Variants in PID1 observed in about 807,000 individuals in gnomAD.
The protein encoded by PID1 is PTB-containing, cubilin and LRP1-interacting protein.
A neutral mutation model predicts 19.1 loss-of-function variants in PID1; 10 were observed. The observed-to-expected ratio is 0.52, with a 90% CI of 0.32 to 0.89. The LOEUF (loss-of-function observed/expected upper bound fraction) is 0.89, where lower values mean the gene tolerates loss of function less well. PID1 is among the 40% of genes least tolerant of loss of function. PID1 has a pLI of 0.03. For missense variants in PID1, 248 were observed against 285.3 expected (o/e 0.87, Z 0.94); for synonymous variants, 130 against 116.0 (o/e 1.12, Z -0.78).
intron 2 of PID1, among the ~76,000 whole-genome samples, chr2:229,062,887 T>A (rs35130554): frequency 0.038 from 5,782 of 152,110 alleles, 131 homozygotes; most frequent in Middle Eastern, 0.082. Context: ...TCATTTCTTC[T>A]AGGTTATCCA....
At chr2:229,032,471 A>T (rs1443231344) in intron 2 of PID1, among the ~76,000 whole-genome samples, 1 of 152,208 alleles carries the variant, frequency 6.6e-6, no homozygotes, top group Non-Finnish European at 1.5e-5. Flanking sequence ...CCCTGTCTTT[A>T]AGAGTCGCAA....
At chr2:229,253,288 C>A (rs1487743699) in intron 1 of PID1, among the ~76,000 whole-genome samples, 1 of 152,106 alleles carries the variant, frequency 6.6e-6, no homozygotes, top group Non-Finnish European at 1.5e-5. Flanking sequence ...ATAATGTGTA[C>A]CAAAATTACT....
intron 1 of PID1, among the ~76,000 whole-genome samples, chr2:229,161,929 G>A (rs1459073893): frequency 6.6e-6 from 1 of 152,204 alleles, no homozygotes; most frequent in African/African-American, 2.4e-5. Context: ...TACTTTGCAT[G>A]CACAGGCAAG....
At chr2:229,246,234 A>T (rs372601389) in intron 1 of PID1, among the ~76,000 whole-genome samples, 2 of 152,198 alleles carry the variant, frequency 1.3e-5, no homozygotes, top group East Asian at 3.8e-4. Flanking sequence ...CAGCCAGCCT[A>T]CCAGAAGGAA....
At chr2:229,162,460 A>G (rs1237893264) in intron 1 of PID1, among the ~76,000 whole-genome samples, 2 of 152,250 alleles carry the variant, frequency 1.3e-5, no homozygotes, top group African/African-American at 4.8e-5. Context: ...GAGGGAAGGC[A>G]TTAAGATTTT....
At chr2:229,118,698 T>C (rs1005891318) in intron 2 of PID1, among the ~76,000 whole-genome samples, 2 of 152,200 alleles carry the variant, frequency 1.3e-5, no homozygotes, top group Admixed American at 1.3e-4. Context: ...ATAATGCTGA[T>C]GTATTGTTCT....
Position 229,227,633 on chromosome 2 carries a change from C to A in PID1, c.30+43381G>T, listed in dbSNP as rs554731725. Among the ~76,000 whole-genome samples the A allele has an allele frequency of 9.9e-5, 15 of 152,272 alleles. No homozygotes were observed. The South Asian group carries it at 3.1e-3, about 32-fold the overall frequency. On this transcript the variant is annotated intron_variant, in intron 1 of 2. Coordinates refer to ENST00000392055, the MANE Select transcript of PID1 (RefSeq NM_001100818.2). ...GCAGATAGAATTCTACTGGGACCTC[C>A]TAGAGAAAGTTTTATTTCCCTCATA... is the stretch of plus-strand genomic sequence containing the variant.
intron 2 of PID1, among the ~76,000 whole-genome samples, chr2:229,068,015 G>T (rs1299865994): frequency 6.6e-6 from 1 of 152,200 alleles, no homozygotes; most frequent in East Asian, 1.9e-4. Context: ...CAGGGCTACA[G>T]TCTCCCTCTG....
chr2:229,158,573 G>A (rs1156597645), intron 1 of PID1, among the ~76,000 whole-genome samples: 1 of 151,560 alleles, frequency 6.6e-6, no homozygotes, highest in Non-Finnish European at 1.5e-5. Flanking sequence ...GGTAATGAAG[G>A]TAACATCATT....
intron 2 of PID1, among the ~76,000 whole-genome samples, chr2:229,122,985 GT>G (rs991038044): frequency 6.6e-6 from 1 of 152,028 alleles, no homozygotes; most frequent in Non-Finnish European, 1.5e-5. Context: ...CTACCTTACT[GT>G]TTTTTGTTTT....
chr2:229,151,155 C>T (rs957518064), intron 2 of PID1, among the ~76,000 whole-genome samples: 3 of 151,918 alleles, frequency 2.0e-5, no homozygotes, highest in Non-Finnish European at 4.4e-5. Context: ...CTGATACTGA[C>T]CTATGAAAGG....
intron 2 of PID1, among the ~76,000 whole-genome samples, chr2:229,111,985 G>A (rs1424851546): frequency 3.3e-5 from 5 of 152,200 alleles, no homozygotes; most frequent in African/African-American, 9.7e-5. Context: ...GAATTGCTGT[G>A]ATTGAGGGAA....
At chr2:229,232,093 A>T (rs1384051187) in intron 1 of PID1, 5 of 1,497,280 alleles carry the variant, frequency 3.3e-6, no homozygotes, top group Non-Finnish European at 3.6e-6. Context: ...CATTCCATTC[A>T]AGAGGGGAGG....
At chr2:229,232,494 C>T (rs1692232192) in intron 1 of PID1, among the ~76,000 whole-genome samples, 1 of 135,098 alleles carries the variant, frequency 7.4e-6, no homozygotes, top group South Asian at 2.5e-4. Context: ...CATTAAGTTT[C>T]AACATCTGAA....
rs548215506 is a variant in PID1 at position 229,044,385 on chromosome 2, G to A, written c.178-18277C>T. Reference sequence around the variant, plus strand: ...CTCTGCCCATCCCACCAAGAAAAAGGTAGGACCTGCACTCCACCACCACCT... The same window carrying A: ...CTCTGCCCATCCCACCAAGAAAAAGATAGGACCTGCACTCCACCACCACCT... On this transcript the variant is annotated intron_variant, in intron 2 of 2. Transcript: ENST00000392055. Among the ~76,000 whole-genome samples the A allele has an allele frequency of 7.2e-5, 11 of 152,036 alleles. No individual in the cohort carries two copies. In the East Asian group the frequency reaches 1.6e-3, roughly 21 times the overall value.
chr2:229,178,790 G>A (rs1201345493), intron 1 of PID1, among the ~76,000 whole-genome samples: 2 of 152,176 alleles, frequency 1.3e-5, no homozygotes, highest in Non-Finnish European at 2.9e-5. Flanking sequence ...TGACATTTCA[G>A]AGGCGGAAAG....
intron 2 of PID1, among the ~76,000 whole-genome samples, chr2:229,072,735 T>G (rs1694482460): frequency 6.6e-6 from 1 of 152,222 alleles, no homozygotes; most frequent in Admixed American, 6.5e-5. Flanking sequence ...TGCTTCGCTG[T>G]TTTCAAAGCC....
chr2:229,127,017 A>G (rs1241368299), intron 2 of PID1, among the ~76,000 whole-genome samples: 1 of 152,230 alleles, frequency 6.6e-6, no homozygotes, highest in Non-Finnish European at 1.5e-5. Flanking sequence ...AGCCCTGTCT[A>G]TTTGGATGCC....
At chr2:229,142,527 G>T (rs967908054) in intron 2 of PID1, among the ~76,000 whole-genome samples, 9 of 152,116 alleles carry the variant, frequency 5.9e-5, no homozygotes, top group Non-Finnish European at 1.2e-4. Context: ...AAAGCCCACT[G>T]ACTCTACATA....
Sources: allele counts gnomAD v4.1 joint callset (sites outside exome capture counted in the v4.1 genomes callset), GRCh38; gene constraint gnomAD v4.1.1; transcripts MANE v1.5; gene names NCBI Gene and HGNC (gene_info 2026-07-23, HGNC 2026-07-21).